The following NABP2 variants were observed in gnomAD, a reference collection of about 807,000 sequenced individuals.
The protein encoded by NABP2 is nucleic acid binding protein 2.
NABP2 carries 7 observed loss-of-function variants against 22.7 expected under a neutral mutation model. That is an observed-to-expected ratio of 0.31 (90% CI 0.18 to 0.58). The LOEUF is 0.58. Ranked by LOEUF, NABP2 falls within the 20% of genes least tolerant of loss-of-function variation. The probability of loss-of-function intolerance (pLI) is 0.89; values close to 1 mark genes in which losing one functional copy is unlikely to be tolerated. For synonymous variants in NABP2, 107 were observed against 99.2 expected (o/e 1.08, Z -0.47); for missense variants, 188 against 265.9 (o/e 0.71, Z 2.04).
At chr12:56,228,569 G>A (rs1869910979) in intron 6 of NABP2, among the ~76,000 whole-genome samples, 1 of 151,854 alleles carries the variant, frequency 6.6e-6, no homozygotes, top group Non-Finnish European at 1.5e-5. Context: ...TGTATTTTTA[G>A]TAGAGACGGG....
chr12:56,224,782 A>G (rs1380410755), intron 1 of NABP2, 52 bp from the exon 2 acceptor site: 4 of 1,505,720 alleles, frequency 2.7e-6, no homozygotes, highest in Non-Finnish European at 3.7e-6. Flanking sequence ...GAAGTGGAGC[A>G]TGGGGGCAAA....
At chr12:56,224,252 TGGGCA>T, upstream of NABP2, 1 of 858,106 alleles carries the variant, frequency 1.2e-6, no homozygotes, top group Non-Finnish European at 1.4e-6. Context: ...CCCGATTGGC[TGGGCA>T]GGGCAGGCGG....
upstream of NABP2, among the ~76,000 whole-genome samples, chr12:56,223,994 G>A (rs990407038): frequency 5.9e-5 from 9 of 152,196 alleles, no homozygotes; most frequent in African/African-American, 1.9e-4. Context: ...GAGAAATGAA[G>A]TGAAGCATTG....
chr12:56,227,490 CCTA>C (rs1374844215), intron 6 of NABP2, among the ~76,000 whole-genome samples: 1 of 152,106 alleles, frequency 6.6e-6, no homozygotes, highest in African/African-American at 2.4e-5. Context: ...TTCTAGAGCA[CCTA>C]CTATTTGCCG....
At chr12:56,226,557 C>CTTTTTTTTTTTTTTTTTTT (rs10676451) in intron 6 of NABP2, 138 bp downstream of exon 6, 1 of 227,662 alleles carries the variant, frequency 4.4e-6, no homozygotes, top group African/African-American at 4.4e-5. Flanking sequence ...TCCCAGACCC[C>CTTTTTTTTTTTTTTTTTTT]TTTTTTTTTT....
In NABP2 at chr12:56,229,169, C is replaced by T. The variant is rs202208466; in HGVS notation, c.592C>T (p.Pro198Ser). 1 of 1,612,068 alleles carries T rather than the reference C, an allele frequency of 6.2e-7. No individual in the cohort carries two copies. Among genetic ancestry groups the T allele is most frequent in the Non-Finnish European group, 8.5e-7 (1 of 1,179,772 alleles). ...PAGPPGPSSN[P>S]VSNGKETRRS... ...AGGCCCGCCTGGCCCTTCCAGCAACCCTGTTAGTAACGGCAAAGAAACCCG... is the reference window on the plus strand; with the variant it reads ...AGGCCCGCCTGGCCCTTCCAGCAACTCTGTTAGTAACGGCAAAGAAACCCG... Residue 198 changes from proline to serine, a missense_variant, in exon 7 of 7, where the codon CCT (proline) becomes TCT (serine). Coordinates refer to ENST00000267023, the MANE Select transcript of NABP2 (RefSeq NM_024068.4).
chr12:56,224,321 G>C (rs1386714681), upstream of NABP2: 4 of 987,356 alleles, frequency 4.1e-6, no homozygotes, highest in Non-Finnish European at 4.8e-6. Flanking sequence ...GGCCAGCCGG[G>C]GGAAACTTCC....
chr12:56,229,308 A>T lies in NABP2; in HGVS notation c.*95A>T, dbSNP rs1869993128. On this transcript the variant is annotated 3_prime_UTR_variant, in exon 7 of 7. Coordinates refer to ENST00000267023, the MANE Select transcript of NABP2 (RefSeq NM_024068.4). ...TGATTGGCTGGTGTAGCAGTATTTTAGCCACTGAACTTCAGTGGAGGGTGG... is the reference window on the plus strand; with the variant it reads ...TGATTGGCTGGTGTAGCAGTATTTTTGCCACTGAACTTCAGTGGAGGGTGG... 7.1e-7 allele frequency: 1 copy of T among 1,406,560 alleles called. No homozygotes were observed. The highest frequency in any genetic ancestry group is 1.8e-5 in the Admixed American group (1 of 55,528). The allele number at this position is 1,406,560 out of a possible 1,614,324, so 87.1% of individuals were successfully genotyped here. A position where few individuals can be genotyped will look rare whatever the true frequency, so the allele number is the denominator to read the frequency against.
intron 3 of NABP2, 33 bp downstream of exon 3, chr12:56,225,544 G>T: frequency 6.2e-7 from 1 of 1,614,166 alleles, no homozygotes; most frequent in South Asian, 1.1e-5. Context: ...GCCTTCCAAA[G>T]GCAACAACAA....
intron 1 of NABP2, 190 bp downstream of exon 1, chr12:56,224,631 C>A: frequency 1.8e-6 from 2 of 1,112,814 alleles, no homozygotes; most frequent in Non-Finnish European, 2.4e-6. Flanking sequence ...GGCCTTCCAG[C>A]CCCAAAGCAG....
intron 4 of NABP2, 29 bp from the exon 5 acceptor site, chr12:56,226,150 A>T: frequency 6.2e-7 from 1 of 1,609,200 alleles, no homozygotes; most frequent in Non-Finnish European, 8.5e-7. Flanking sequence ...GGATGAATTC[A>T]AGGCTTTAGC....
At chr12:56,223,546 A>T (rs930944222), upstream of NABP2, 1 of 152,070 alleles carries the variant, frequency 6.6e-6, no homozygotes, top group African/African-American at 2.4e-5. Flanking sequence ...CAAAAAAAAA[A>T]AAAAAAGGGA....
chr12:56,224,279 G>T, upstream of NABP2: 1 of 969,378 alleles, frequency 1.0e-6, no homozygotes, highest in Non-Finnish European at 1.2e-6. Context: ...GGGACGCAGG[G>T]CGCGCCCGGG....
upstream of NABP2, among the ~76,000 whole-genome samples, chr12:56,223,311 T>C (rs545065750): frequency 2.5e-3 from 382 of 152,016 alleles, 4 homozygotes; most frequent in African/African-American, 8.9e-3. Flanking sequence ...CCTGTAATCC[T>C]AGCACTTTGG....
intron 6 of NABP2, among the ~76,000 whole-genome samples, chr12:56,228,409 A>G (rs1359907328): frequency 1.3e-5 from 2 of 149,698 alleles, no homozygotes; most frequent in South Asian, 4.2e-4. Flanking sequence ...TTAATTGAGA[A>G]GGAGTCTCAC....
At chr12:56,226,537 C>A in intron 6 of NABP2, 118 bp downstream of exon 6, 18 of 728,456 alleles carry the variant, frequency 2.5e-5, no homozygotes, top group Non-Finnish European at 4.0e-5. Context: ...TATCCTCCTT[C>A]ACCCAATTCT....
At chr12:56,222,648 CCTA>C (rs1425841573), upstream of NABP2, among the ~76,000 whole-genome samples, 1 of 152,124 alleles carries the variant, frequency 6.6e-6, no homozygotes, top group Non-Finnish European at 1.5e-5. Flanking sequence ...CAATGTGGAG[CCTA>C]AAGAGCTCCG....
chr12:56,224,496 G>T, intron 1 of NABP2, 55 bp downstream of exon 1: 1 of 1,077,138 alleles, frequency 9.3e-7, no homozygotes, highest in Non-Finnish European at 1.1e-6. Context: ...GGCTTGTCGG[G>T]ATGAGGGTTC....
chr12:56,224,973 T>C, intron 2 of NABP2, 38 bp downstream of exon 2: 198 of 897,510 alleles, frequency 2.2e-4, no homozygotes, highest in Non-Finnish European at 3.2e-4. Flanking sequence ...GGGATGGGGG[T>C]CGGGGGCAGG....
Sources: gnomAD v4.1 joint callset for allele counts (sites outside exome capture counted in the v4.1 genomes callset) on GRCh38, gnomAD v4.1.1 for gene constraint, MANE v1.5 for transcripts, NCBI Gene and HGNC (gene_info 2026-07-23, HGNC 2026-07-21) for gene names.